The following B3GNT5 variants were observed in gnomAD, a reference collection of about 807,000 sequenced individuals.
B3GNT5 encodes the protein lactosylceramide 1,3-N-acetyl-beta-D-glucosaminyltransferase.
A neutral mutation model predicts 25.9 loss-of-function variants in B3GNT5; 11 were observed. The observed-to-expected ratio is 0.42, with a 90% confidence interval of 0.27 to 0.70. B3GNT5 has a LOEUF of 0.70. Ranked by LOEUF, B3GNT5 falls within the 30% of genes least tolerant of loss-of-function variation. The probability of loss-of-function intolerance (pLI) is 0.23; values close to 1 mark genes in which losing one functional copy is unlikely to be tolerated. For synonymous variants in B3GNT5, 166 were observed against 158.6 expected (o/e 1.05, Z -0.35); for missense variants, 385 against 458.4 (o/e 0.84, Z 1.46).
In B3GNT5 at chr3:183,269,961, T is replaced by C. The variant is rs1377950278; in HGVS notation, c.163T>C (p.Tyr55His). 2 of 1,614,122 alleles carry C rather than the reference T, an allele frequency of 1.2e-6. No individual in the cohort carries two copies. The highest frequency in any genetic ancestry group is 1.7e-6 in the Non-Finnish European group (2 of 1,180,028). Residue 55 changes from tyrosine (Y) to histidine (H), a missense_variant, in exon 2 of 2, where the codon TAT becomes CAT. By Grantham distance (83) the Tyr-to-His change is moderately conservative (BLOSUM62 2). Coordinates refer to ENST00000326505, the MANE Select transcript of B3GNT5 (RefSeq NM_032047.5). ...TTCTTACAGATACCTCATAAATAGC[T>C]ATGACTTTGTGAATGATACCCTGTC... Reference protein sequence around the residue: ...SYSYRYLINSYDFVNDTLSLK... With the variant: ...SYSYRYLINSHDFVNDTLSLK...
rs762976299 is a variant in B3GNT5 at position 183,269,918 on chromosome 3, G to A, written c.120G>A (p.Val40=). The A allele has an allele frequency of 1.9e-6, 3 of 1,614,072 alleles. No homozygotes were observed. The highest frequency in any genetic ancestry group is 1.3e-5 in the African/African-American group (1 of 74,998). Residue 40 remains valine, a synonymous_variant, in exon 2 of 2, where the codon GTG becomes GTA. Coordinates refer to ENST00000326505, the MANE Select transcript of B3GNT5 (RefSeq NM_032047.5). ...GGGAACCAATCGATAATCACATTGT[G>A]AGCCATATGAAGTCATATTCTTACA... The part of the protein sequence containing the change: ...FFWEPIDNHI[V]SHMKSYSYRY...
rs758815965 is a variant in B3GNT5 at position 183,270,127 on chromosome 3, C to G, written c.329C>G (p.Thr110Arg). The G allele has an allele frequency of 6.2e-7, 1 of 1,613,932 alleles. No homozygotes were observed. Among genetic ancestry groups the G allele is most frequent in the African/African-American group, 1.3e-5 (1 of 74,892 alleles). The change falls in exon 2 of 2, where the codon ACG (threonine) becomes AGG (arginine). Residue 110 changes from threonine (T) to arginine (R), a missense_variant. Thr to Arg is a moderately conservative substitution (Grantham distance 71). Coordinates refer to ENST00000326505, the MANE Select transcript of B3GNT5 (RefSeq NM_032047.5). This position sits in a 1 kb window ranked among gnomAD's most constrained non-coding sequence, Gnocchi z 4.5. ...NYDRRSGIRR[T>R]WGNENYVRSQ... ...GATCGACGTTCCGGAATTAGAAGGA[C>G]GTGGGGCAATGAAAATTATGTTCGG...
intron 1 of B3GNT5, among the ~76,000 whole-genome samples, chr3:183,259,970 T>G (rs796114294): frequency 2.6e-5 from 4 of 152,194 alleles, no homozygotes; most frequent in African/African-American, 7.2e-5. Flanking sequence ...TGAAGCAAAT[T>G]CTCATCCATC....
Position 183,270,187 on chromosome 3 carries a change from C to G in B3GNT5, c.389C>G (p.Ala130Gly). Residue 130 changes from alanine (A) to glycine (G), a missense_variant, in exon 2 of 2, where the codon GCC becomes GGC. Transcript: ENST00000326505. This position sits in a 1 kb window ranked among gnomAD's most constrained non-coding sequence, Gnocchi z 4.5. Reference protein sequence around the residue: ...QLNANIKTLFALGTPNPLEGE... With the variant: ...QLNANIKTLFGLGTPNPLEGE... ...AATGCCAACATCAAAACTCTGTTTG[C>G]CTTAGGAACTCCTAATCCACTGGAG... 6.2e-7 allele frequency: 1 copy of G among 1,614,150 alleles called. No individual in the cohort carries two copies. Among genetic ancestry groups the G allele is most frequent in the South Asian group, 1.1e-5 (1 of 91,080 alleles).
rs1726222101 is a variant in B3GNT5, at chr3:183,267,118, C to T, written c.-301-2380C>T. Reference sequence around the variant, plus strand: ...TTTGTGATATTAAAGCACAGCAACACATTTCCCATTACACCCCTGAACACA... The same window carrying T: ...TTTGTGATATTAAAGCACAGCAACATATTTCCCATTACACCCCTGAACACA... On this transcript the variant is annotated intron_variant, in intron 1 of 1. Transcript: ENST00000326505. The surrounding 1 kb of genome is among the most constrained non-coding windows in gnomAD (Gnocchi z 5.5). 6.6e-6 allele frequency among the ~76,000 whole-genome samples: 1 copy of T among 152,154 alleles called. No homozygotes were observed. The highest frequency in any genetic ancestry group is 1.5e-5 in the Non-Finnish European group (1 of 68,030).
Position 183,263,204 on chromosome 3 carries a change from A to C in B3GNT5, c.-301-6294A>C, listed in dbSNP as rs1437777655. On this transcript the variant is annotated intron_variant, in intron 1 of 1. Coordinates refer to ENST00000326505, the MANE Select transcript of B3GNT5 (RefSeq NM_032047.5). ...AAGGTGTCTTGAGTGTTGGGAGATC[A>C]CATGATCAAAATGGTATACACACCA... 2.0e-5 allele frequency among the ~76,000 whole-genome samples: 3 copies of C among 152,172 alleles called. No homozygotes were observed. The South Asian group carries it at 6.2e-4, about 32-fold the overall frequency.
At chr3:183,266,234 A>G (rs1272854542) in intron 1 of B3GNT5, 1 of 152,220 alleles carries the variant, frequency 6.6e-6, no homozygotes, top group Non-Finnish European at 1.5e-5. Context: ...GTCTAGCAAG[A>G]AGCTCAGACT....
In B3GNT5 at chr3:183,270,795, T is replaced by C; in HGVS notation, c.997T>C (p.Trp333Arg). 2 of 1,614,114 alleles carry C rather than the reference T, an allele frequency of 1.2e-6. No homozygotes were observed. The highest frequency in any genetic ancestry group is 1.7e-6 in the Non-Finnish European group (2 of 1,180,028). The change falls in exon 2 of 2, where the codon TGG (tryptophan) becomes CGG (arginine). Residue 333 changes from tryptophan to arginine, a missense_variant. Trp to Arg is a moderately radical substitution (Grantham distance 101, BLOSUM62 -3). Transcript: ENST00000326505. The surrounding 1 kb of genome is among the most constrained non-coding windows in gnomAD (Gnocchi z 4.5). The part of the protein sequence containing the change: ...HGHLEDLQDL[W>R]KNATDPKVKT... ...ACACTTAGAAGATCTCCAGGACCTTTGGAAGAATGCTACAGATCCTAAAGT... is the reference window on the plus strand; with the variant it reads ...ACACTTAGAAGATCTCCAGGACCTTCGGAAGAATGCTACAGATCCTAAAGT...
Position 183,271,617 on chromosome 3 carries a change from T to C in B3GNT5, c.*682T>C, listed in dbSNP as rs1265595636. On this transcript the variant is annotated 3_prime_UTR_variant, in exon 2 of 2. Coordinates refer to ENST00000326505, the MANE Select transcript of B3GNT5 (RefSeq NM_032047.5). ...ATTAATGTTGCCCTAATACTTTATA[T>C]GTTTTTAATGGATTTTTTTTTAAGT... 2 of 167,058 alleles carry C rather than the reference T, an allele frequency of 1.2e-5. No individual in the cohort carries two copies. Among genetic ancestry groups the C allele is most frequent in the Non-Finnish European group, 2.9e-5 (2 of 68,118 alleles). 10.3% of individuals were successfully genotyped at this position (167,058 alleles called of 1,614,324 possible).
chr3:183,253,862 G>A (rs1333873843), intron 1 of B3GNT5: 1 of 152,254 alleles, frequency 6.6e-6, no homozygotes, highest in East Asian at 1.9e-4. Flanking sequence ...GCTGTGCCGC[G>A]GCCGCATCTT....
At position 183,272,596 on chromosome 3, in the gene B3GNT5, C is replaced by T; in HGVS notation, c.*1661C>T. The stretch of plus-strand genomic sequence containing the variant: ...TTAGAATTTTTAACTAATGTCAAAA[C>T]TACAGTGTCAAACATTCTAGGTTGT... On this transcript the variant is annotated 3_prime_UTR_variant, in exon 2 of 2. Transcript: ENST00000326505. The T allele has an allele frequency of 3.0e-6, 3 of 995,888 alleles. No homozygotes were observed. Among genetic ancestry groups the T allele is most frequent in the Non-Finnish European group, 3.6e-6 (3 of 826,146 alleles). 61.7% of individuals were successfully genotyped at this position (995,888 alleles called of 1,614,324 possible). A position where few individuals can be genotyped will look rare whatever the true frequency, so the allele number is the denominator to read the frequency against.
chr3:183,254,410 C>T (rs1007562985), intron 1 of B3GNT5, among the ~76,000 whole-genome samples: 1 of 151,840 alleles, frequency 6.6e-6, no homozygotes. Context: ...GAAGGAGGCT[C>T]GTCCCCTCCC....
chr3:183,270,127 C>T lies in B3GNT5; in HGVS notation c.329C>T (p.Thr110Met), dbSNP rs758815965. The T allele has an allele frequency of 1.3e-5, 21 of 1,614,050 alleles. No homozygotes were observed. Among genetic ancestry groups the T allele is most frequent in the Non-Finnish European group, 1.5e-5 (18 of 1,179,982 alleles). ...NYDRRSGIRRTWGNENYVRSQ... is the reference protein window; with the variant it reads ...NYDRRSGIRRMWGNENYVRSQ... ...GATCGACGTTCCGGAATTAGAAGGA[C>T]GTGGGGCAATGAAAATTATGTTCGG... The change falls in exon 2 of 2, where the codon ACG (threonine) becomes ATG (methionine). Residue 110 changes from threonine to methionine, a missense_variant. By Grantham distance (81) the Thr-to-Met change is moderately conservative. Coordinates refer to ENST00000326505, the MANE Select transcript of B3GNT5 (RefSeq NM_032047.5). The surrounding 1 kb of genome is among the most constrained non-coding windows in gnomAD (Gnocchi z 4.5).
rs1366825719 is a variant in B3GNT5, at chr3:183,262,381, T to C, written c.-301-7117T>C. On this transcript the variant is annotated intron_variant, in intron 1 of 1. Transcript: ENST00000326505. ...AGGGGAGTCAGGTGAGGCAGGGCTGTATAAGTGCAGGGTTGGAGCCTGTCT... is the reference window on the plus strand; with the variant it reads ...AGGGGAGTCAGGTGAGGCAGGGCTGCATAAGTGCAGGGTTGGAGCCTGTCT... Among the ~76,000 whole-genome samples, 3 of 152,220 alleles carry C rather than the reference T, an allele frequency of 2.0e-5. No individual in the cohort carries two copies. The East Asian group carries it at 5.8e-4, about 29-fold the overall frequency.
Position 183,272,442 on chromosome 3 carries a change from AAG to A in B3GNT5, c.*1509_*1510del. Reference sequence around the variant, plus strand: ...GGAAACACGCAAAACAAAACGAAAAAAGATTTCTCAGTATACACAACTGAATG... The same window carrying A: ...GGAAACACGCAAAACAAAACGAAAAAATTTCTCAGTATACACAACTGAATG... On this transcript the variant is annotated 3_prime_UTR_variant, in exon 2 of 2. Coordinates refer to ENST00000326505, the MANE Select transcript of B3GNT5 (RefSeq NM_032047.5). 1.0e-6 allele frequency: 1 copy of A among 1,000,222 alleles called. No homozygotes were observed. The highest frequency in any genetic ancestry group is 1.2e-6 in the Non-Finnish European group (1 of 830,006). The allele number at this position is 1,000,222 out of a possible 1,614,324, so 62.0% of individuals were successfully genotyped here.
chr3:183,263,277 G>A (rs1001527868), intron 1 of B3GNT5, among the ~76,000 whole-genome samples: 1 of 152,066 alleles, frequency 6.6e-6, no homozygotes, highest in Non-Finnish European at 1.5e-5. Context: ...TGAATAAAAT[G>A]CAGAAATACA....
chr3:183,270,827 C>G lies in B3GNT5; in HGVS notation c.1029C>G (p.Thr343=). 1 of 1,613,802 alleles carries G rather than the reference C, an allele frequency of 6.2e-7. No homozygotes were observed. The highest frequency in any genetic ancestry group is 1.3e-5 in the African/African-American group (1 of 75,002). The change falls in exon 2 of 2, where the codon ACC becomes ACG. Residue 343 remains threonine (T), a synonymous_variant. Transcript: ENST00000326505. This position sits in a 1 kb window ranked among gnomAD's most constrained non-coding sequence, Gnocchi z 4.5. The stretch of plus-strand genomic sequence containing the variant: ...ATGCTACAGATCCTAAAGTAAAAAC[C>G]ATTTCCAAAGGTTTTTTTGGTCAAA... ...WKNATDPKVK[T]ISKGFFGQIY... is the part of the protein sequence containing the mutation.
intron 1 of B3GNT5, among the ~76,000 whole-genome samples, chr3:183,256,268 T>C (rs1219135012): frequency 6.6e-6 from 1 of 152,228 alleles, no homozygotes; most frequent in African/African-American, 2.4e-5. Flanking sequence ...ACAAGAGCTC[T>C]GCCCTTTGAT....
chr3:183,267,537 G>T lies in B3GNT5; in HGVS notation c.-301-1961G>T, dbSNP rs1447661711. ...TCTATCAGGGGTCAACCGGCGGGGG[G>T]ACTTGAGAACAGATCTCTGGGCACA... On this transcript the variant is annotated intron_variant, in intron 1 of 1. Coordinates refer to ENST00000326505, the MANE Select transcript of B3GNT5 (RefSeq NM_032047.5). This position sits in a 1 kb window ranked among gnomAD's most constrained non-coding sequence, Gnocchi z 5.5. Among the ~76,000 whole-genome samples the T allele has an allele frequency of 1.3e-5, 2 of 152,206 alleles. No individual in the cohort carries two copies. Among genetic ancestry groups the T allele is most frequent in the East Asian group, 1.9e-4 (1 of 5,182 alleles).
Sources: allele counts gnomAD v4.1 joint callset (sites outside exome capture counted in the v4.1 genomes callset), GRCh38; gene constraint gnomAD v4.1.1; non-coding constraint Gnocchi (gnomAD v3.1); transcripts MANE v1.5; gene names NCBI Gene and HGNC (gene_info 2026-07-23, HGNC 2026-07-21).